IQCM: variants seen among roughly 807,000 people sequenced by gnomAD.
IQCM encodes the protein IQ motif containing M.
A neutral mutation model predicts 57.6 loss-of-function variants in IQCM; 45 were observed. The observed-to-expected ratio is 0.78, with a 90% CI of 0.62 to 1.00. IQCM has a LOEUF of 1.00. Among genes scored for constraint, IQCM ranks in the 50% least tolerant of loss-of-function variants. The pLI, the probability that IQCM is intolerant of heterozygous loss-of-function variation, is 0.00. For synonymous variants in IQCM, 148 were observed against 158.9 expected (o/e 0.93, Z 0.51); for missense variants, 468 against 511.6 (o/e 0.91, Z 0.82).
rs556628526 is a variant in IQCM at position 149,477,094 on chromosome 4, G to T, written c.1229-43537C>A. Among the ~76,000 whole-genome samples, 6 of 152,076 alleles carry T rather than the reference G, an allele frequency of 3.9e-5. No individual in the cohort carries two copies. In the East Asian group the frequency reaches 1.2e-3, roughly 29 times the overall value. ...CACACCCCAAAGATAAGAAATTAAG[G>T]GTAAAATAAGTAGCAACAGATCTTA... On this transcript the variant is annotated intron_variant, in intron 12 of 13. Transcript: ENST00000636793.
chr4:149,401,090 C>T (rs72953685), intron 13 of IQCM, among the ~76,000 whole-genome samples: 2,293 of 151,576 alleles, frequency 0.015, 34 homozygotes, highest in African/African-American at 0.044. Flanking sequence ...TCTAGCTGTG[C>T]TAAATTTAGA....
chr4:149,667,881 A>G (rs1760877048), intron 7 of IQCM, among the ~76,000 whole-genome samples: 1 of 152,028 alleles, frequency 6.6e-6, no homozygotes, highest in Non-Finnish European at 1.5e-5. Context: ...AGATTAGAGA[A>G]GAATGAAAAG....
At chr4:149,545,135 A>G (rs1748260027) in intron 12 of IQCM, among the ~76,000 whole-genome samples, 1 of 152,150 alleles carries the variant, frequency 6.6e-6, no homozygotes, top group East Asian at 1.9e-4. Context: ...CCAGGAGTCC[A>G]AAACTAGCCT....
intron 5 of IQCM, among the ~76,000 whole-genome samples, chr4:149,700,855 G>A (rs1300055812): frequency 6.6e-6 from 1 of 151,992 alleles, no homozygotes; most frequent in African/African-American, 2.4e-5. Context: ...ATAGAGAACA[G>A]TTACTATTGT....
At chr4:149,475,437 A>T (rs973914861) in intron 12 of IQCM, among the ~76,000 whole-genome samples, 1 of 152,172 alleles carries the variant, frequency 6.6e-6, no homozygotes, top group Non-Finnish European at 1.5e-5. Context: ...CCACATGGAG[A>T]TATTGAATAG....
intron 12 of IQCM, among the ~76,000 whole-genome samples, chr4:149,548,082 C>A (rs2149895007): frequency 6.6e-6 from 1 of 152,222 alleles, no homozygotes; most frequent in Non-Finnish European, 1.5e-5. Flanking sequence ...AATACCAAAT[C>A]TAACTATCCA....
At chr4:149,717,654 C>T (rs902976563) in intron 5 of IQCM, among the ~76,000 whole-genome samples, 3 of 152,054 alleles carry the variant, frequency 2.0e-5, no homozygotes, top group African/African-American at 7.2e-5. Context: ...AAGAATTGAG[C>T]CTGAAAAAGG....
chr4:149,487,127 G>A (rs559403422), intron 12 of IQCM, among the ~76,000 whole-genome samples: 9 of 152,238 alleles, frequency 5.9e-5, no homozygotes, highest in African/African-American at 2.2e-4. Flanking sequence ...AGGCCCAAGA[G>A]CTTTTTAGTC....
At chr4:149,388,792 T>A (rs892794114) in intron 13 of IQCM, among the ~76,000 whole-genome samples, 1 of 146,770 alleles carries the variant, frequency 6.8e-6, no homozygotes. Context: ...CACACACACA[T>A]ATAATCAGAG....
chr4:149,554,851 C>G (rs1359035348), intron 10 of IQCM, among the ~76,000 whole-genome samples: 4 of 151,570 alleles, frequency 2.6e-5, no homozygotes, highest in Non-Finnish European at 5.9e-5. Flanking sequence ...AGGCGCCCCC[C>G]ACCACGCCCG....
At chr4:149,438,235 T>C (rs1019647480) in intron 12 of IQCM, among the ~76,000 whole-genome samples, 12 of 152,130 alleles carry the variant, frequency 7.9e-5, no homozygotes, top group Non-Finnish European at 1.6e-4. Context: ...TATTTTATAG[T>C]TTTCATACTA....
At chr4:149,549,253 C>T (rs1429510673) in intron 11 of IQCM, among the ~76,000 whole-genome samples, 1 of 152,136 alleles carries the variant, frequency 6.6e-6, no homozygotes, top group Non-Finnish European at 1.5e-5. Flanking sequence ...CGGTGGCTCA[C>T]GCCTGTAATC....
chr4:149,432,680 A>G (rs2111270656), intron 13 of IQCM, among the ~76,000 whole-genome samples: 1 of 152,128 alleles, frequency 6.6e-6, no homozygotes, highest in Middle Eastern at 3.4e-3. Context: ...AGATACTATT[A>G]AAAGACAGAA....
At position 149,805,105 on chromosome 4, in the gene IQCM, C is replaced by T. The variant is rs111369872; in HGVS notation, c.-49+10206G>A. 4.6e-3 allele frequency among the ~76,000 whole-genome samples: 701 copies of T among 152,038 alleles called. 6 individuals are homozygous for T. Among genetic ancestry groups the T allele is most frequent in the African/African-American group, 0.016 (670 of 41,496 alleles). ...AAGCTGTCAAGCCACCAGTAATGAG[C>T]AGTAAGAAATATGAGAAATTATAGG... On this transcript the variant is annotated intron_variant, in intron 2 of 13. Transcript: ENST00000636793.
Position 149,650,465 on chromosome 4 carries a change from T to G in IQCM, c.566-29221A>C, listed in dbSNP as rs551150475. 3.3e-5 allele frequency among the ~76,000 whole-genome samples: 5 copies of G among 151,358 alleles called. No individual in the cohort carries two copies. In the South Asian group the frequency reaches 1.1e-3, roughly 32 times the overall value. On this transcript the variant is annotated intron_variant, in intron 7 of 13. Transcript: ENST00000636793. ...TGGAGTGCAGTGGCGTGATCTTGGT[T>G]CACTGCAATCTCCACCTCCCGGAAT...
At chr4:149,803,249 CAT>C (rs1477243425) in intron 2 of IQCM, among the ~76,000 whole-genome samples, 5 of 151,944 alleles carry the variant, frequency 3.3e-5, no homozygotes, top group African/African-American at 1.2e-4. Context: ...CTTCCTATAT[CAT>C]GTTATGTGCC....
At chr4:149,574,576 T>C (rs1486647764) in intron 9 of IQCM, among the ~76,000 whole-genome samples, 1 of 151,898 alleles carries the variant, frequency 6.6e-6, no homozygotes, top group African/African-American at 2.4e-5. Flanking sequence ...TTATGCAAGA[T>C]TACATGTGAG....
At chr4:149,787,178 G>A (rs1772149528) in intron 2 of IQCM, among the ~76,000 whole-genome samples, 1 of 152,018 alleles carries the variant, frequency 6.6e-6, no homozygotes, top group Non-Finnish European at 1.5e-5. Context: ...CCTGTTGGGG[G>A]ATGGGGGTGG....
chr4:149,743,138 TCTA>T (rs563289617), intron 2 of IQCM, among the ~76,000 whole-genome samples: 29 of 152,198 alleles, frequency 1.9e-4, no homozygotes, highest in Non-Finnish European at 3.5e-4. Flanking sequence ...CCTACTACTT[TCTA>T]CTACTTGCTT....
Sources: gnomAD v4.1 joint callset for allele counts (sites outside exome capture counted in the v4.1 genomes callset) on GRCh38, gnomAD v4.1.1 for gene constraint, MANE v1.5 for transcripts, NCBI Gene and HGNC (gene_info 2026-07-23, HGNC 2026-07-21) for gene names.